The following EPHB1 variants were observed in gnomAD, a reference collection of about 807,000 sequenced individuals.
EPHB1 encodes EPH receptor B1, also known as ephrin type-B receptor 1.
A neutral mutation model predicts 94.4 loss-of-function variants in EPHB1; 30 were observed. The ratio of observed to expected loss-of-function variants is 0.32; its 90% CI spans 0.24 to 0.43. The LOEUF (loss-of-function observed/expected upper bound fraction) is 0.43, where lower values mean the gene tolerates loss of function less well. Among genes scored for constraint, EPHB1 ranks in the 20% least tolerant of loss-of-function variants. The pLI, the probability that EPHB1 is intolerant of heterozygous loss-of-function variation, is 1.00. For missense variants in EPHB1, 1,055 were observed against 1,308.3 expected, an observed-to-expected ratio of 0.81 and a Z score of 2.99; for synonymous variants, 522 against 489.1, an observed-to-expected ratio of 1.07 and a Z score of -0.89.
At chr3:134,926,626 C>G (rs187072528) in intron 2 of EPHB1, among the ~76,000 whole-genome samples, 1 of 152,224 alleles carries the variant, frequency 6.6e-6, no homozygotes, top group East Asian at 1.9e-4. Flanking sequence ...TGGAAGAGAG[C>G]ATGGTGTGAA....
intron 3 of EPHB1, among the ~76,000 whole-genome samples, chr3:134,965,624 T>A (rs1303923936): frequency 6.6e-6 from 1 of 152,216 alleles, no homozygotes; most frequent in Non-Finnish European, 1.5e-5. Context: ...GTGTTTTATC[T>A]GTGGAGATTG....
At chr3:135,038,207 T>C (rs1202501665) in intron 3 of EPHB1, among the ~76,000 whole-genome samples, 3 of 152,132 alleles carry the variant, frequency 2.0e-5, no homozygotes, top group Non-Finnish European at 4.4e-5. Context: ...CGTGGTGGGG[T>C]AGGAATGACA....
chr3:135,247,716 T>C (rs768442866), intron 13 of EPHB1, among the ~76,000 whole-genome samples: 14 of 152,238 alleles, frequency 9.2e-5, no homozygotes, highest in Non-Finnish European at 1.8e-4. Flanking sequence ...TTGAACCAAT[T>C]ATTTGTTTAA....
At chr3:135,162,760 T>C (rs780725583) in intron 7 of EPHB1, among the ~76,000 whole-genome samples, 1 of 152,192 alleles carries the variant, frequency 6.6e-6, no homozygotes, top group South Asian at 2.1e-4. Context: ...CTTCTACCTT[T>C]GGGTTTTATT....
At chr3:135,204,308 A>G (rs909659387) in intron 12 of EPHB1, among the ~76,000 whole-genome samples, 1 of 152,072 alleles carries the variant, frequency 6.6e-6, no homozygotes, top group African/African-American at 2.4e-5. Flanking sequence ...AGTTTAAGCG[A>G]TTCTCCTGTC....
At chr3:134,987,882 T>A (rs1382071024) in intron 3 of EPHB1, among the ~76,000 whole-genome samples, 1 of 152,158 alleles carries the variant, frequency 6.6e-6, no homozygotes, top group African/African-American at 2.4e-5. Flanking sequence ...TACCTTGATC[T>A]TGGACGCCCA....
intron 3 of EPHB1, among the ~76,000 whole-genome samples, chr3:135,095,390 T>A (rs1294040255): frequency 6.6e-6 from 1 of 152,182 alleles, no homozygotes; most frequent in Non-Finnish European, 1.5e-5. Context: ...CTCTTCTAGA[T>A]AGCTCTTGAA....
At chr3:134,898,626 C>T (rs1262244089) in intron 1 of EPHB1, among the ~76,000 whole-genome samples, 2 of 152,178 alleles carry the variant, frequency 1.3e-5, no homozygotes, top group East Asian at 3.9e-4. Flanking sequence ...TTTGTGTTTT[C>T]TAGGCACCCA....
intron 1 of EPHB1, among the ~76,000 whole-genome samples, chr3:134,811,382 G>A (rs1486065115): frequency 6.6e-6 from 1 of 150,758 alleles, no homozygotes; most frequent in East Asian, 2.0e-4. Context: ...GGAATTATAG[G>A]CGAGCACCAC....
intron 1 of EPHB1, among the ~76,000 whole-genome samples, chr3:134,800,278 G>C (rs753793424): frequency 1.3e-4 from 20 of 152,104 alleles, no homozygotes; most frequent in Non-Finnish European, 2.8e-4. Flanking sequence ...CTCTGTACTA[G>C]ATTAAAAAGA....
At chr3:135,166,120 C>T (rs776439670) in intron 8 of EPHB1, 44 bp downstream of exon 8, 26 of 1,492,452 alleles carry the variant, frequency 1.7e-5, no homozygotes, top group Non-Finnish European at 2.3e-5. Flanking sequence ...CCCAGGAAGC[C>T]CCTCTCCATG....
intron 4 of EPHB1, among the ~76,000 whole-genome samples, chr3:135,116,295 G>C (rs536579516): frequency 6.6e-6 from 1 of 152,138 alleles, no homozygotes; most frequent in African/African-American, 2.4e-5. Context: ...AGCCATCCTA[G>C]GTTAGCTAAA....
intron 10 of EPHB1, among the ~76,000 whole-genome samples, chr3:135,191,737 G>T (rs1247347530): frequency 1.3e-5 from 2 of 152,064 alleles, no homozygotes; most frequent in Non-Finnish European, 2.9e-5. Context: ...GGCATGCATG[G>T]AGGTGTGCAG....
chr3:135,055,759 G>A (rs1465290109), intron 3 of EPHB1, among the ~76,000 whole-genome samples: 2 of 152,206 alleles, frequency 1.3e-5, no homozygotes, highest in Non-Finnish European at 2.9e-5. Context: ...CGCAACACAA[G>A]CCTGGCACTT....
intron 1 of EPHB1, among the ~76,000 whole-genome samples, chr3:134,819,495 A>G (rs897655854): frequency 6.6e-6 from 1 of 152,212 alleles, no homozygotes; most frequent in Non-Finnish European, 1.5e-5. Flanking sequence ...ATCATATCCC[A>G]TTATAGGGGC....
At chr3:135,154,997 A>G (rs554012086) in intron 6 of EPHB1, among the ~76,000 whole-genome samples, 1 of 152,324 alleles carries the variant, frequency 6.6e-6, no homozygotes, top group Non-Finnish European at 1.5e-5. Flanking sequence ...AAACCACATT[A>G]TTCATTCACT....
intron 2 of EPHB1, among the ~76,000 whole-genome samples, chr3:134,945,459 A>C (rs1236070313): frequency 1.3e-5 from 2 of 152,180 alleles, no homozygotes; most frequent in Non-Finnish European, 2.9e-5. Flanking sequence ...CCAGATGGGC[A>C]CCTAGTTATC....
intron 1 of EPHB1, among the ~76,000 whole-genome samples, chr3:134,821,492 A>G (rs1178347005): frequency 6.6e-6 from 1 of 152,154 alleles, no homozygotes; most frequent in Non-Finnish European, 1.5e-5. Context: ...TAGCCAGTAA[A>G]GTGAAAAAGT....
rs1559829667 is a variant in EPHB1, at chr3:135,099,328, GAT to G, written c.806-7119_806-7118del. 2.7e-3 allele frequency among the ~76,000 whole-genome samples: 231 copies of G among 84,666 alleles called. 1 individual carries two copies. The highest frequency in any genetic ancestry group is 8.4e-3 in the African/African-American group (222 of 26,356). 55.5% of individuals were successfully genotyped at this position (84,666 alleles called of 152,430 possible). ...GGATGGATGGATGGATGGACGGATGGATGGACGGATGGATGGATGGATGGATG... is the reference window on the plus strand; with the variant it reads ...GGATGGATGGATGGATGGACGGATGGGGACGGATGGATGGATGGATGGATG... On this transcript the variant is annotated intron_variant, in intron 3 of 15. Coordinates refer to ENST00000398015, the MANE Select transcript of EPHB1 (RefSeq NM_004441.5).
Sources: gnomAD v4.1 joint callset for allele counts (sites outside exome capture counted in the v4.1 genomes callset) on GRCh38, gnomAD v4.1.1 for gene constraint, MANE v1.5 for transcripts, NCBI Gene and HGNC (gene_info 2026-07-23, HGNC 2026-07-21) for gene names.